Variants in PRKG1 observed in about 807,000 individuals in gnomAD.
PRKG1 encodes cGMP-dependent protein kinase 1.
Under a neutral mutation model 88.1 loss-of-function variants are expected in PRKG1, and 35 were observed. The observed-to-expected ratio is 0.40, with a 90% CI of 0.30 to 0.53. PRKG1 has a LOEUF of 0.53. Among genes scored for constraint, PRKG1 ranks in the 20% least tolerant of loss-of-function variants. The pLI, the probability that PRKG1 is intolerant of heterozygous loss-of-function variation, is 0.59. For missense variants in PRKG1, 540 were observed against 839.8 expected, an observed-to-expected ratio of 0.64 and a Z score of 4.41; for synonymous variants, 303 against 292.5, an observed-to-expected ratio of 1.04 and a Z score of -0.37.
chr10:52,131,683 C>A lies in PRKG1; in HGVS notation c.936-2157C>A, dbSNP rs188308997. On this transcript the variant is annotated intron_variant, in intron 7 of 17. Coordinates refer to ENST00000373980, the MANE Select transcript of PRKG1 (RefSeq NM_006258.4). ...CTAACATGGTGAAACCCCATCTCTG[C>A]TAAAAATACAAAAATTAGCCAGGCG... Among the ~76,000 whole-genome samples the A allele has an allele frequency of 2.7e-4, 41 of 151,708 alleles. 1 individual carries two copies. The East Asian group carries it at 8.0e-3, about 30-fold the overall frequency.
intron 2 of PRKG1, among the ~76,000 whole-genome samples, chr10:51,372,424 CTT>C (rs1842724019): frequency 6.6e-6 from 1 of 152,012 alleles, no homozygotes; most frequent in African/African-American, 2.4e-5. Context: ...TATATAGATT[CTT>C]TTGTTTTTCA....
At chr10:51,699,558 T>C (rs1033878170) in intron 3 of PRKG1, 3 of 1,603,314 alleles carry the variant, frequency 1.9e-6, no homozygotes, top group Non-Finnish European at 2.6e-6. Context: ...ATGATTCCGG[T>C]TGTGCAGACA....
chr10:51,440,440 T>A (rs1005771930), intron 2 of PRKG1, among the ~76,000 whole-genome samples: 3 of 151,872 alleles, frequency 2.0e-5, no homozygotes, highest in Non-Finnish European at 2.9e-5. Flanking sequence ...TCGAAAAATT[T>A]AAAAATCACA....
intron 1 of PRKG1, among the ~76,000 whole-genome samples, chr10:51,085,051 G>T (rs1844212671): frequency 6.6e-6 from 1 of 152,148 alleles, no homozygotes; most frequent in Non-Finnish European, 1.5e-5. Flanking sequence ...TGAAAAGAAA[G>T]AAGAAAATAT....
intron 3 of PRKG1, among the ~76,000 whole-genome samples, chr10:51,578,980 G>GTTTTTTTTTTTTTTTTTTTTTTTTTT (rs752412264): frequency 7.7e-5 from 6 of 77,832 alleles, no homozygotes; most frequent in African/African-American, 2.1e-4. Flanking sequence ...AGTTCTGTTG[G>GTTTTTTTTTTTTTTTTTTTTTTTTTT]TTTTTTTTTT....
At chr10:51,215,360 T>C (rs1237045574) in intron 2 of PRKG1, among the ~76,000 whole-genome samples, 1 of 152,240 alleles carries the variant, frequency 6.6e-6, no homozygotes, top group Non-Finnish European at 1.5e-5. Context: ...CTACCACTTA[T>C]GCTGCTAAAT....
At chr10:51,791,367 C>G (rs943087323) in intron 3 of PRKG1, among the ~76,000 whole-genome samples, 1 of 152,100 alleles carries the variant, frequency 6.6e-6, no homozygotes, top group African/African-American at 2.4e-5. Flanking sequence ...TCTCTTAACT[C>G]TTGACTTCAG....
intron 3 of PRKG1, among the ~76,000 whole-genome samples, chr10:51,712,146 T>C (rs1429386328): frequency 1.3e-5 from 2 of 152,220 alleles, no homozygotes; most frequent in African/African-American, 2.4e-5. Context: ...TGGAGAAATA[T>C]GAAAGGAGGA....
At chr10:51,324,075 CA>C (rs887041333) in intron 2 of PRKG1, among the ~76,000 whole-genome samples, 8 of 152,184 alleles carry the variant, frequency 5.3e-5, no homozygotes, top group Non-Finnish European at 7.4e-5. Context: ...TCCATCTCCT[CA>C]AACATTTATT....
At chr10:51,197,532 C>T (rs1378474566) in intron 2 of PRKG1, among the ~76,000 whole-genome samples, 1 of 151,898 alleles carries the variant, frequency 6.6e-6, no homozygotes, top group African/African-American at 2.4e-5. Context: ...CTTCGGCCTC[C>T]CAAAGTGCTG....
intron 1 of PRKG1, among the ~76,000 whole-genome samples, chr10:51,125,804 AATTT>A (rs999069123): frequency 1.1e-4 from 16 of 143,728 alleles, no homozygotes; most frequent in African/African-American, 4.0e-4. Flanking sequence ...AAATTATATA[AATTT>A]ATTTAAAAAT....
At chr10:51,691,811 T>C (rs1841151871) in intron 3 of PRKG1, among the ~76,000 whole-genome samples, 3 of 152,226 alleles carry the variant, frequency 2.0e-5, no homozygotes, top group Non-Finnish European at 2.9e-5. Context: ...GAAAATTGAC[T>C]GGTCAAATAA....
chr10:51,246,510 G>A (rs1839294591), intron 2 of PRKG1, among the ~76,000 whole-genome samples: 1 of 150,796 alleles, frequency 6.6e-6, no homozygotes, highest in Non-Finnish European at 1.5e-5. Context: ...GCAGAGTTTA[G>A]TATAGACACT....
chr10:51,029,968 G>T (rs886305591), intron 1 of PRKG1, among the ~76,000 whole-genome samples: 1 of 152,040 alleles, frequency 6.6e-6, no homozygotes, highest in African/African-American at 2.4e-5. Context: ...AACTGTTTTG[G>T]AGATTAATTA....
intron 7 of PRKG1, among the ~76,000 whole-genome samples, chr10:52,078,136 TTC>T (rs1846678688): frequency 6.6e-6 from 1 of 152,204 alleles, no homozygotes; most frequent in South Asian, 2.1e-4. Flanking sequence ...AATACAGGTT[TTC>T]TACCGCCTAC....
chr10:51,159,799 G>C (rs1023459151), intron 2 of PRKG1, among the ~76,000 whole-genome samples: 2 of 152,110 alleles, frequency 1.3e-5, no homozygotes, highest in Admixed American at 6.5e-5. Flanking sequence ...GTTTTTAAGT[G>C]TGAAAACATG....
At chr10:51,675,741 G>A (rs1235435440) in intron 3 of PRKG1, among the ~76,000 whole-genome samples, 1 of 152,120 alleles carries the variant, frequency 6.6e-6, no homozygotes, top group Non-Finnish European at 1.5e-5. Flanking sequence ...AAATTTTAAA[G>A]TTGTTTTTCC....
At chr10:51,912,362 T>C (rs1022537350) in intron 5 of PRKG1, among the ~76,000 whole-genome samples, 2 of 152,142 alleles carry the variant, frequency 1.3e-5, no homozygotes, top group Non-Finnish European at 2.9e-5. Context: ...AGTAGTAAAG[T>C]GACATAAGCT....
At chr10:51,717,211 G>A (rs1166611565) in intron 3 of PRKG1, among the ~76,000 whole-genome samples, 1 of 152,184 alleles carries the variant, frequency 6.6e-6, no homozygotes, top group East Asian at 1.9e-4. Flanking sequence ...ACAAATACCA[G>A]ACATTCCCCC....
Sources: allele counts gnomAD v4.1 joint callset (sites outside exome capture counted in the v4.1 genomes callset), GRCh38; gene constraint gnomAD v4.1.1; transcripts MANE v1.5; gene names NCBI Gene and HGNC (gene_info 2026-07-23, HGNC 2026-07-21).